The following TMEM51 variants were observed in gnomAD, a reference collection of about 807,000 sequenced individuals.
The protein encoded by TMEM51 is chromosome 1 open reading frame 72.
Under a neutral mutation model 13.6 loss-of-function variants are expected in TMEM51, and 8 were observed. That is an observed-to-expected ratio of 0.59 (90% CI 0.35 to 1.07). TMEM51 has a LOEUF of 1.07. Among genes scored for constraint, TMEM51 ranks in the 50% least tolerant of loss-of-function variants. The pLI is 0.02. For synonymous variants in TMEM51, 147 were observed against 144.4 expected (o/e 1.02, Z -0.13); for missense variants, 279 against 330.7 (o/e 0.84, Z 1.21).
chr1:15,218,757 C>T (rs1014029804), intron 3 of TMEM51, among the ~76,000 whole-genome samples: 8 of 152,142 alleles, frequency 5.3e-5, no homozygotes, highest in South Asian at 2.1e-4. Context: ...GCCATGACAA[C>T]GACCTGGCAG....
chr1:15,164,477 GT>G (rs1353389888), intron 1 of TMEM51: 1 of 455,958 alleles, frequency 2.2e-6, no homozygotes, highest in Non-Finnish European at 4.4e-6. Context: ...AAGGTGAAGT[GT>G]GCTTCTCACT....
chr1:15,176,434 C>T (rs1179600162), intron 1 of TMEM51, among the ~76,000 whole-genome samples: 1 of 152,128 alleles, frequency 6.6e-6, no homozygotes, highest in Admixed American at 6.5e-5. Flanking sequence ...AACTTGAGAG[C>T]CACTCCCCGC....
intron 1 of TMEM51, among the ~76,000 whole-genome samples, chr1:15,193,571 C>CTTTTTTTTT (rs1392623062): frequency 8.7e-5 from 7 of 80,606 alleles, no homozygotes; most frequent in African/African-American, 2.8e-4. Context: ...TCTTTTCTTT[C>CTTTTTTTTT]TTTCTTTTTT....
In TMEM51 at chr1:15,210,471, C is replaced by T. The variant is rs1269534910; in HGVS notation, c.-266-19C>T. 3 of 152,226 alleles carry T rather than the reference C, an allele frequency of 2.0e-5. No individual in the cohort carries two copies. Among genetic ancestry groups the T allele is most frequent in the Non-Finnish European group, 4.4e-5 (3 of 68,040 alleles). 9.4% of individuals were successfully genotyped at this position (152,226 alleles called of 1,614,324 possible). On this transcript the variant is annotated intron_variant, in intron 1 of 3. Coordinates refer to ENST00000376008, the MANE Select transcript of TMEM51 (RefSeq NM_001136218.2). ...TCACAGCTTGCTTAGAAAGCTGCATCTCTGTGGTTTTTTTATAGGTGGATC... is the reference window on the plus strand; with the variant it reads ...TCACAGCTTGCTTAGAAAGCTGCATTTCTGTGGTTTTTTTATAGGTGGATC...
intron 1 of TMEM51, chr1:15,171,233 G>T (rs1010748893): frequency 1.1e-5 from 14 of 1,303,986 alleles, no homozygotes; most frequent in Non-Finnish European, 1.3e-5. Context: ...CTGGAAGATC[G>T]CTGTTTGAGA....
intron 1 of TMEM51, among the ~76,000 whole-genome samples, chr1:15,180,390 A>C (rs1643578881): frequency 6.6e-6 from 1 of 152,228 alleles, no homozygotes; most frequent in African/African-American, 2.4e-5. Flanking sequence ...CTGGGAACAG[A>C]GGCCAGCACT....
intron 1 of TMEM51, among the ~76,000 whole-genome samples, chr1:15,165,436 T>C (rs540072419): frequency 6.6e-6 from 1 of 152,336 alleles, no homozygotes; most frequent in African/African-American, 2.4e-5. Context: ...ATCTAAAATG[T>C]TTTAAAAGTT....
At chr1:15,212,301 C>T (rs2100348968) in intron 2 of TMEM51, among the ~76,000 whole-genome samples, 1 of 152,308 alleles carries the variant, frequency 6.6e-6, no homozygotes, top group African/African-American at 2.4e-5. Context: ...TAATCATTGA[C>T]AGTTTATCAG....
chr1:15,201,140 G>A (rs879236459), intron 1 of TMEM51, among the ~76,000 whole-genome samples: 4 of 152,222 alleles, frequency 2.6e-5, no homozygotes, highest in Admixed American at 2.6e-4. Flanking sequence ...CATTCACTGT[G>A]TGACTTTGAG....
chr1:15,204,928 C>T (rs78522579), intron 1 of TMEM51, among the ~76,000 whole-genome samples: 7,278 of 152,060 alleles, frequency 0.048, 257 homozygotes, highest in African/African-American at 0.096. Flanking sequence ...CCAGAGACAC[C>T]GATGGCCAGA....
intron 1 of TMEM51, among the ~76,000 whole-genome samples, chr1:15,183,591 C>T (rs558627781): frequency 2.7e-4 from 41 of 152,320 alleles, no homozygotes; most frequent in African/African-American, 9.9e-4. Flanking sequence ...AGTAAAGGCA[C>T]AATATATGTA....
At chr1:15,204,951 T>C (rs17386788) in intron 1 of TMEM51, among the ~76,000 whole-genome samples, 20,712 of 152,000 alleles carry the variant, frequency 0.14, 1,758 homozygotes, top group Non-Finnish European at 0.19. Flanking sequence ...CTGGAGAAGG[T>C]TCGAGGTGTC....
chr1:15,198,924 C>T (rs1003713743), intron 1 of TMEM51, among the ~76,000 whole-genome samples: 1 of 152,144 alleles, frequency 6.6e-6, no homozygotes. Context: ...ACCCCGTTTC[C>T]GGCCCTTAGC....
chr1:15,196,174 A>G (rs533690294), intron 1 of TMEM51, among the ~76,000 whole-genome samples: 234 of 152,230 alleles, frequency 1.5e-3, no homozygotes, highest in Middle Eastern at 6.8e-3. Flanking sequence ...GGACAGCCTC[A>G]CCCACGGGCC....
rs60250887 is a variant in TMEM51 at position 15,201,369 on chromosome 1, TAAAGA to T, written c.-266-9116_-266-9112del. On this transcript the variant is annotated intron_variant, in intron 1 of 3. Transcript: ENST00000376008. ...AACAAAACAGAATACATAAAATTAA[TAAAGA>T]AAAGTAAATATATAATGAGTATTAA... is the stretch of plus-strand genomic sequence containing the variant. 4.3e-3 allele frequency among the ~76,000 whole-genome samples: 656 copies of T among 151,296 alleles called. 6 individuals are homozygous for T. Among genetic ancestry groups the T allele is most frequent in the African/African-American group, 0.015 (621 of 41,396 alleles).
chr1:15,199,932 C>T (rs988551553), intron 1 of TMEM51, among the ~76,000 whole-genome samples: 2 of 152,066 alleles, frequency 1.3e-5, no homozygotes, highest in African/African-American at 2.4e-5. Flanking sequence ...ATGTGTGAAA[C>T]ATATTAGCAA....
At chr1:15,178,802 C>G (rs912546007) in intron 1 of TMEM51, among the ~76,000 whole-genome samples, 1 of 152,196 alleles carries the variant, frequency 6.6e-6, no homozygotes, top group Non-Finnish European at 1.5e-5. Context: ...CTGGAGGTCC[C>G]TTAGCGGAGA....
In TMEM51 at chr1:15,220,419, T is replaced by C. The variant is rs1431724968; in HGVS notation, c.*676T>C. ...GAAGAAGAAAGAAAACTGTAGGAAA[T>C]GTTCTTTTTGAAATGCCATGCAATG... On this transcript the variant is annotated 3_prime_UTR_variant, in exon 4 of 4. Coordinates refer to ENST00000376008, the MANE Select transcript of TMEM51 (RefSeq NM_001136218.2). 6.7e-6 allele frequency: 1 copy of C among 150,016 alleles called. No individual in the cohort carries two copies. The highest frequency in any genetic ancestry group is 1.5e-5 in the Non-Finnish European group (1 of 67,410). The allele number at this position is 150,016 out of a possible 1,614,324, so 9.3% of individuals were successfully genotyped here.
At chr1:15,205,418 G>A (rs1644232186) in intron 1 of TMEM51, among the ~76,000 whole-genome samples, 1 of 152,138 alleles carries the variant, frequency 6.6e-6, no homozygotes, top group Admixed American at 6.5e-5. Flanking sequence ...CCTCACCCTG[G>A]AATATCCTGA....
Sources: allele counts gnomAD v4.1 joint callset (sites outside exome capture counted in the v4.1 genomes callset), GRCh38; gene constraint gnomAD v4.1.1; transcripts MANE v1.5; gene names NCBI Gene and HGNC (gene_info 2026-07-23, HGNC 2026-07-21).